Variants in ANO5 observed in about 807,000 individuals in gnomAD.
ANO5 encodes anoctamin-5.
Under a neutral mutation model 121.0 loss-of-function variants are expected in ANO5, and 109 were observed. The ratio of observed to expected loss-of-function variants is 0.90; its 90% confidence interval spans 0.77 to 1.06. ANO5 has a LOEUF of 1.06. ANO5 is among the 50% of genes least tolerant of loss of function. The pLI is 0.00. For synonymous variants in ANO5, 406 were observed against 359.9 expected, an observed-to-expected ratio of 1.13 and a Z score of -1.45; for missense variants, 1,064 against 1,078.5, an observed-to-expected ratio of 0.99 and a Z score of 0.19.
rs778443860 is a variant in ANO5, at chr11:22,221,133, T to C, written c.217T>C (p.Phe73Leu). 11 of 1,611,918 alleles carry C rather than the reference T, an allele frequency of 6.8e-6. No homozygotes were observed. The East Asian group carries it at 1.8e-4, about 26-fold the overall frequency. ...TCAGCAAAGCAAAGATTCTATCTTCTTCCGAGATGGGATTAGGCAAATTGA... is the reference window on the plus strand; with the variant it reads ...TCAGCAAAGCAAAGATTCTATCTTCCTCCGAGATGGGATTAGGCAAATTGA... ...KNQQSKDSIF[F>L]RDGIRQIDFV... The change falls in exon 5 of 22, where the codon TTC becomes CTC. Residue 73 changes from phenylalanine to leucine, a missense_variant. By Grantham distance (22) the Phe-to-Leu change is conservative. Transcript: ENST00000324559.
chr11:22,218,793 G>T (rs962550270), intron 4 of ANO5, among the ~76,000 whole-genome samples: 1 of 151,916 alleles, frequency 6.6e-6, no homozygotes, highest in African/African-American at 2.4e-5. Context: ...GAACTCCTGA[G>T]CTCAAGCAAT....
intron 17 of ANO5, among the ~76,000 whole-genome samples, chr11:22,264,410 G>T (rs1045642445): frequency 6.6e-6 from 1 of 151,354 alleles, no homozygotes; most frequent in African/African-American, 2.4e-5. Flanking sequence ...CAGAAGATGG[G>T]GGATACATAT....
intron 7 of ANO5, 36 bp downstream of exon 7, chr11:22,227,622 A>G (rs1021979277): frequency 3.7e-6 from 6 of 1,603,246 alleles, no homozygotes; most frequent in Non-Finnish European, 5.1e-6. Context: ...ATCCCTTCAA[A>G]TACGAGATGT....
At chr11:22,206,472 C>T (rs1376274871) in intron 2 of ANO5, among the ~76,000 whole-genome samples, 2 of 151,996 alleles carry the variant, frequency 1.3e-5, no homozygotes, top group African/African-American at 2.4e-5. Context: ...GCCATCACAC[C>T]TGGCTAATAT....
At chr11:22,237,299 A>T (rs1853255961) in intron 8 of ANO5, among the ~76,000 whole-genome samples, 1 of 152,172 alleles carries the variant, frequency 6.6e-6, no homozygotes, top group South Asian at 2.1e-4. Flanking sequence ...GTGTTGCTGT[A>T]ATAGTTCCCA....
intron 7 of ANO5, among the ~76,000 whole-genome samples, chr11:22,231,770 C>T (rs1385235100): frequency 1.3e-5 from 2 of 151,972 alleles, no homozygotes; most frequent in Non-Finnish European, 2.9e-5. Context: ...ATGTATTACA[C>T]TATCACACTT....
intron 17 of ANO5, among the ~76,000 whole-genome samples, chr11:22,267,105 G>A (rs915715700): frequency 3.3e-5 from 5 of 151,724 alleles, no homozygotes; most frequent in South Asian, 4.2e-4. Flanking sequence ...TTACTATATC[G>A]GTTAAAGTTA....
chr11:22,211,436 G>T (rs1413407181), intron 3 of ANO5, 122 bp downstream of exon 3: 6 of 1,188,338 alleles, frequency 5.0e-6, no homozygotes, highest in Non-Finnish European at 6.2e-6. Context: ...CATGGTATTT[G>T]AGAATATATT....
intron 7 of ANO5, among the ~76,000 whole-genome samples, chr11:22,231,360 G>A (rs945139523): frequency 2.0e-5 from 3 of 151,384 alleles, no homozygotes; most frequent in Admixed American, 6.6e-5. Context: ...TTAATTGTAC[G>A]ACTGAAGCAC....
intron 9 of ANO5, among the ~76,000 whole-genome samples, chr11:22,244,503 T>G (rs563326692): frequency 6.6e-6 from 1 of 151,312 alleles, no homozygotes; most frequent in Non-Finnish European, 1.5e-5. Flanking sequence ...TTGTTTACTT[T>G]CCTGTCTCAG....
At chr11:22,248,252 GC>G (rs1233359625) in intron 9 of ANO5, among the ~76,000 whole-genome samples, 1 of 151,984 alleles carries the variant, frequency 6.6e-6, no homozygotes, top group African/African-American at 2.4e-5. Flanking sequence ...GTTAAATGGT[GC>G]AGTGCCACAG....
chr11:22,207,464 T>C (rs936100803), intron 2 of ANO5, among the ~76,000 whole-genome samples: 8 of 152,112 alleles, frequency 5.3e-5, no homozygotes, highest in Admixed American at 1.3e-4. Context: ...GGAGCATTTG[T>C]ATATTCATAG....
At chr11:22,264,305 G>A (rs1327289834) in intron 17 of ANO5, among the ~76,000 whole-genome samples, 4 of 151,898 alleles carry the variant, frequency 2.6e-5, no homozygotes, top group Admixed American at 1.3e-4. Context: ...GATTACAGGC[G>A]TAAGCCACCA....
At chr11:22,196,233 AT>A (rs1252808652) in intron 1 of ANO5, among the ~76,000 whole-genome samples, 1 of 152,188 alleles carries the variant, frequency 6.6e-6, no homozygotes, top group Non-Finnish European at 1.5e-5. Context: ...GCCTCTTAAC[AT>A]GTTGGAAGGT....
At chr11:22,193,019 C>G, upstream of ANO5, 1 of 984,766 alleles carries the variant, frequency 1.0e-6, no homozygotes, top group South Asian at 4.7e-5. Flanking sequence ...GGTCTGGAGG[C>G]GGGGAAAGAG....
rs1001089231 is a variant in ANO5, at chr11:22,251,062, T to A, written c.1180+51T>A. ...CAGCTTTCTTCCTATTAATGTGTTG[T>A]TTTGCCTCCATATAACATATGACAG... On this transcript the variant is annotated intron_variant, in intron 12 of 21. Coordinates refer to ENST00000324559, the MANE Select transcript of ANO5 (RefSeq NM_213599.3). 2.6e-6 allele frequency: 4 copies of A among 1,519,562 alleles called. No homozygotes were observed. In the African/African-American group the frequency reaches 5.5e-5, roughly 21 times the overall value. 94.1% of individuals were successfully genotyped at this position (1,519,562 alleles called of 1,614,324 possible).
intron 21 of ANO5, among the ~76,000 whole-genome samples, chr11:22,276,444 T>C (rs1854855261): frequency 6.6e-6 from 1 of 151,766 alleles, no homozygotes; most frequent in African/African-American, 2.4e-5. Flanking sequence ...ATGGTTTTTT[T>C]CCCTTCAAGT....
intron 7 of ANO5, among the ~76,000 whole-genome samples, chr11:22,229,134 A>G (rs1852949635): frequency 6.6e-6 from 1 of 151,798 alleles, no homozygotes; most frequent in African/African-American, 2.4e-5. Context: ...CCTTCTCTCC[A>G]TGTCCTCTCC....
At chr11:22,276,251 A>G (rs367588745) in intron 21 of ANO5, 52 bp downstream of exon 21, 38 of 1,402,890 alleles carry the variant, frequency 2.7e-5, no homozygotes, top group Non-Finnish European at 3.3e-5. Flanking sequence ...CTTTAGGCAG[A>G]TATTTCTAAA....
Sources: allele counts gnomAD v4.1 joint callset (sites outside exome capture counted in the v4.1 genomes callset), GRCh38; gene constraint gnomAD v4.1.1; transcripts MANE v1.5; gene names NCBI Gene and HGNC (gene_info 2026-07-23, HGNC 2026-07-21).